PTPRD: variants seen among roughly 807,000 people sequenced by gnomAD.
The protein encoded by PTPRD is protein tyrosine phosphatase receptor type D.
In PTPRD, 34 loss-of-function variants were observed where a neutral mutation model predicts 214.5. The ratio of observed to expected loss-of-function variants is 0.16; its 90% confidence interval spans 0.12 to 0.21. PTPRD has a LOEUF of 0.21. Ranked by LOEUF, PTPRD falls within the 10% of genes least tolerant of loss-of-function variation. The pLI is 1.00. For missense variants in PTPRD, 2,545 were observed against 2,398.7 expected (o/e 1.06, Z -1.27); for synonymous variants, 1,128 against 845.7 (o/e 1.33, Z -5.79).
intron 7 of PTPRD, among the ~76,000 whole-genome samples, chr9:9,614,998 T>C (rs145174476): frequency 2.0e-5 from 3 of 152,204 alleles, no homozygotes; most frequent in Non-Finnish European, 2.9e-5. Flanking sequence ...TGGGGAGAAA[T>C]TGCAGGAGGA....
At chr9:8,461,442 C>T (rs2096399376) in intron 32 of PTPRD, among the ~76,000 whole-genome samples, 1 of 151,894 alleles carries the variant, frequency 6.6e-6, no homozygotes, top group Non-Finnish European at 1.5e-5. Flanking sequence ...TAGTTCTGTC[C>T]TATTTTAGCC....
intron 3 of PTPRD, among the ~76,000 whole-genome samples, chr9:10,317,087 G>T (rs58417089): frequency 7.2e-5 from 11 of 151,856 alleles, no homozygotes; most frequent in African/African-American, 2.7e-4. Context: ...TACACAGTGG[G>T]TTTATTTCCC....
intron 2 of PTPRD, among the ~76,000 whole-genome samples, chr9:10,494,084 T>C (rs1490452738): frequency 6.6e-6 from 1 of 151,926 alleles, no homozygotes; most frequent in Non-Finnish European, 1.5e-5. Flanking sequence ...GGTAACAAAC[T>C]CCATCAAGTC....
chr9:10,378,447 T>A (rs866612029), intron 2 of PTPRD, among the ~76,000 whole-genome samples: 2 of 152,034 alleles, frequency 1.3e-5, no homozygotes, highest in Non-Finnish European at 2.9e-5. Flanking sequence ...TAGTTTGAGG[T>A]CTTAAGTTTA....
At chr9:10,262,509 T>C (rs1283757746) in intron 3 of PTPRD, among the ~76,000 whole-genome samples, 2 of 152,250 alleles carry the variant, frequency 1.3e-5, no homozygotes. Flanking sequence ...CAAGTTCATG[T>C]TGTTAACTAC....
intron 10 of PTPRD, among the ~76,000 whole-genome samples, chr9:9,097,775 G>C (rs2099785758): frequency 6.6e-6 from 1 of 151,874 alleles, no homozygotes; most frequent in South Asian, 2.1e-4. Context: ...TACAGATCTT[G>C]TGAGCAGAAG....
At chr9:8,749,801 G>A (rs1192134152) in intron 11 of PTPRD, among the ~76,000 whole-genome samples, 8 of 152,028 alleles carry the variant, frequency 5.3e-5, no homozygotes, top group African/African-American at 1.2e-4. Flanking sequence ...TATAATAAAC[G>A]TACAAGACAG....
At chr9:9,280,520 C>A (rs184344826) in intron 9 of PTPRD, among the ~76,000 whole-genome samples, 12 of 151,158 alleles carry the variant, frequency 7.9e-5, no homozygotes, top group Admixed American at 6.0e-4. Context: ...AAACACATTA[C>A]CATTTATTTT....
chr9:8,535,428 T>C (rs945224729), intron 14 of PTPRD, among the ~76,000 whole-genome samples: 22 of 151,966 alleles, frequency 1.4e-4, no homozygotes, highest in Admixed American at 1.4e-3. Context: ...TTTAGGCTCT[T>C]TGATTAATCA....
At chr9:8,924,573 G>T (rs1368683) in intron 11 of PTPRD, among the ~76,000 whole-genome samples, 7,325 of 152,130 alleles carry the variant, frequency 0.048, 369 homozygotes, top group East Asian at 0.2. Context: ...CCTTTGTCTT[G>T]TCTTAGCATC....
intron 2 of PTPRD, among the ~76,000 whole-genome samples, chr9:10,392,538 A>G (rs1483325716): frequency 6.6e-6 from 1 of 151,868 alleles, no homozygotes; most frequent in Admixed American, 6.6e-5. Flanking sequence ...TGCCTTTTAC[A>G]CAGTGCAGTG....
chr9:9,933,924 T>C, intron 5 of PTPRD, among the ~76,000 whole-genome samples: 1 of 145,756 alleles, frequency 6.9e-6, no homozygotes, highest in Admixed American at 6.7e-5. Flanking sequence ...ATTAAGAATC[T>C]CACTCAAAGC....
chr9:8,660,127 T>C (rs996327117), intron 12 of PTPRD, among the ~76,000 whole-genome samples: 1 of 152,228 alleles, frequency 6.6e-6, no homozygotes, highest in East Asian at 1.9e-4. Flanking sequence ...AAAGCAAACA[T>C]ACCCACCTCA....
At chr9:9,829,005 G>C (rs2053934595) in intron 5 of PTPRD, among the ~76,000 whole-genome samples, 1 of 151,834 alleles carries the variant, frequency 6.6e-6, no homozygotes, top group African/African-American at 2.4e-5. Flanking sequence ...TCTGAAATGA[G>C]TTGATACAAA....
chr9:10,535,792 G>C (rs1266547892), intron 2 of PTPRD, among the ~76,000 whole-genome samples: 2 of 152,114 alleles, frequency 1.3e-5, no homozygotes, highest in Non-Finnish European at 2.9e-5. Flanking sequence ...ATCTAGCCTT[G>C]TGTCAGCAAC....
At chr9:9,310,779 A>G (rs928506285) in intron 9 of PTPRD, among the ~76,000 whole-genome samples, 7 of 151,924 alleles carry the variant, frequency 4.6e-5, no homozygotes, top group Non-Finnish European at 8.8e-5. Flanking sequence ...TTAGCCGGGC[A>G]TGGTGGCAAA....
intron 12 of PTPRD, among the ~76,000 whole-genome samples, chr9:8,716,686 G>A (rs868494059): frequency 5.7e-4 from 85 of 148,328 alleles, no homozygotes; most frequent in African/African-American, 2.2e-3. Flanking sequence ...AAAATCAAAG[G>A]ATCCGGAGCA....
chr9:9,058,984 T>G (rs189357690), intron 10 of PTPRD, among the ~76,000 whole-genome samples: 82 of 152,156 alleles, frequency 5.4e-4, no homozygotes, highest in Middle Eastern at 3.4e-3. Flanking sequence ...TTGAAGGAAT[T>G]TAAGCTGGAG....
intron 4 of PTPRD, among the ~76,000 whole-genome samples, chr9:10,016,705 G>T (rs10958818): frequency 6.6e-6 from 1 of 150,564 alleles, no homozygotes; most frequent in Non-Finnish European, 1.5e-5. Flanking sequence ...TGTTCTGTCA[G>T]CCAGGCTGGA....
Sources: allele counts gnomAD v4.1 joint callset (sites outside exome capture counted in the v4.1 genomes callset), GRCh38; gene constraint gnomAD v4.1.1; transcripts MANE v1.5; gene names NCBI Gene and HGNC (gene_info 2026-07-23, HGNC 2026-07-21).